Variants in HTR3B observed in about 807,000 individuals in gnomAD.
HTR3B encodes 5-hydroxytryptamine (serotonin) receptor 3B, ionotropic.
Under a neutral mutation model 42.8 loss-of-function variants are expected in HTR3B, and 44 were observed. The observed-to-expected ratio is 1.03, with a 90% CI of 0.81 to 1.32. The LOEUF (loss-of-function observed/expected upper bound fraction) is 1.32. Ranked by LOEUF, HTR3B falls within the 40% of genes most tolerant of loss-of-function variation. The pLI is 0.00. For missense variants in HTR3B, 527 were observed against 536.5 expected, an observed-to-expected ratio of 0.98 and a Z score of 0.17; for synonymous variants, 203 against 209.0, an observed-to-expected ratio of 0.97 and a Z score of 0.25.
In HTR3B at chr11:113,947,060, C is replaced by T. The variant is rs369019053; in HGVS notation, c.*923C>T. The stretch of plus-strand genomic sequence containing the variant: ...CCACTGCCTCCACCCTCTTCCTGTG[C>T]CCCTTCAGCAGTGCATCCCCACTGG... On this transcript the variant is annotated 3_prime_UTR_variant, in exon 9 of 9. Transcript: ENST00000260191. 3.3e-5 allele frequency among the ~76,000 whole-genome samples: 5 copies of T among 152,150 alleles called. No homozygotes were observed. In the South Asian group the frequency reaches 1.0e-3, roughly 31 times the overall value.
intron 6 of HTR3B, among the ~76,000 whole-genome samples, chr11:113,938,783 C>G (rs1950110669): frequency 6.6e-6 from 1 of 152,162 alleles, no homozygotes; most frequent in Non-Finnish European, 1.5e-5. Flanking sequence ...GCAGGTGGAT[C>G]ACCTGAAGTC....
intron 2 of HTR3B, among the ~76,000 whole-genome samples, chr11:113,916,912 G>C (rs1322150689): frequency 6.6e-6 from 1 of 152,060 alleles, no homozygotes; most frequent in Admixed American, 6.6e-5. Flanking sequence ...TTTCGCTTAA[G>C]AGGCTTTTTT....
At chr11:113,934,429 GGAAA>G (rs1036044378) in intron 6 of HTR3B, among the ~76,000 whole-genome samples, 5 of 128,482 alleles carry the variant, frequency 3.9e-5, no homozygotes, top group Non-Finnish European at 8.4e-5. Flanking sequence ...AAAGAAAGAA[GGAAA>G]GAAAGAAAGA....
chr11:113,943,171 G>A lies in HTR3B; in HGVS notation c.886G>A (p.Val296Ile). ...CATGTCCAACCAGGTGCCACGGAGT[G>A]TAGGGAGCACCCCTCTGATTGGTAA... is the stretch of plus-strand genomic sequence containing the variant. ...VNMSNQVPRS[V>I]GSTPLIGHFF... Residue 296 changes from valine (V) to isoleucine (I), a missense_variant, in exon 7 of 9, where the codon GTA becomes ATA. Coordinates refer to ENST00000260191, the MANE Select transcript of HTR3B (RefSeq NM_006028.5). 1.2e-6 allele frequency: 2 copies of A among 1,613,800 alleles called. No homozygotes were observed. Among genetic ancestry groups the A allele is most frequent in the Non-Finnish European group, 1.7e-6 (2 of 1,179,866 alleles).
intron 2 of HTR3B, 36 bp downstream of exon 2, chr11:113,909,491 C>T (rs373289727): frequency 5.1e-5 from 80 of 1,582,552 alleles, no homozygotes; most frequent in Middle Eastern, 1.7e-4. Flanking sequence ...TTCTTGTTAA[C>T]GTCTTTTGAA....
At position 113,933,003 on chromosome 11, in the gene HTR3B, G is replaced by A; in HGVS notation, c.606G>A (p.Leu202=). ...TTCAGCATGACAAAAAGGCGTTTTT[G>A]AATGACAGTGAGTGGGAACTTCTAT... The part of the protein sequence containing the change: ...EDIQHDKKAF[L]NDSEWELLSV... The change falls in exon 6 of 9, where the codon TTG becomes TTA. Residue 202 remains leucine, a synonymous_variant. Coordinates refer to ENST00000260191, the MANE Select transcript of HTR3B (RefSeq NM_006028.5). The A allele has an allele frequency of 6.2e-7, 1 of 1,614,114 alleles. No homozygotes were observed. Among genetic ancestry groups the A allele is most frequent in the Non-Finnish European group, 8.5e-7 (1 of 1,180,004 alleles).
intron 2 of HTR3B, among the ~76,000 whole-genome samples, chr11:113,913,304 C>T (rs1001607635): frequency 1.3e-5 from 2 of 148,988 alleles, no homozygotes; most frequent in Admixed American, 6.7e-5. Flanking sequence ...TTGCCTCAGC[C>T]TCCCCAGTGA....
intron 2 of HTR3B, among the ~76,000 whole-genome samples, chr11:113,926,506 T>TCCTTTCCTTTCCTTTCCTTTCCTTG (rs1207451859): frequency 1.4e-5 from 2 of 147,734 alleles, no homozygotes; most frequent in East Asian, 3.9e-4. Context: ...TCCTTTCCTT[T>TCCTTTCCTTTCCTTTCCTTTCCTTG]CCTTTCCTTT....
chr11:113,932,418 C>A lies in HTR3B; in HGVS notation c.498C>A (p.Val166=). ...AGACATATGCTTTTCCATTTGATGT[C>A]CAGAATTGCAGCCTGACCTTCAAGA... is the stretch of plus-strand genomic sequence containing the variant. The part of the protein sequence containing the change: ...SLETYAFPFD[V]QNCSLTFKSI... Residue 166 remains valine (V), a synonymous_variant, in exon 5 of 9, where the codon GTC becomes GTA. Coordinates refer to ENST00000260191, the MANE Select transcript of HTR3B (RefSeq NM_006028.5). 1.2e-6 allele frequency: 2 copies of A among 1,614,060 alleles called. No homozygotes were observed. Among genetic ancestry groups the A allele is most frequent in the Non-Finnish European group, 1.7e-6 (2 of 1,179,938 alleles).
At chr11:113,934,320 C>T (rs753776571) in intron 6 of HTR3B, among the ~76,000 whole-genome samples, 22 of 150,070 alleles carry the variant, frequency 1.5e-4, no homozygotes, top group Non-Finnish European at 1.9e-4. Context: ...CATACCACTG[C>T]GCTCCAGCCT....
At position 113,932,876 on chromosome 11, in the gene HTR3B, G is replaced by C. The variant is rs1950050963; in HGVS notation, c.539-60G>C. On this transcript the variant is annotated intron_variant, in intron 5 of 8. Transcript: ENST00000260191. ...AGGATTCGAATTGGGAGCTGGAAAA[G>C]TGGGTGGATGTTGGCATCTCTTTCT... 1.9e-6 allele frequency: 3 copies of C among 1,554,264 alleles called. No individual in the cohort carries two copies. In the East Asian group the frequency reaches 6.8e-5, roughly 35 times the overall value.
chr11:113,906,512 T>C (rs1289667487), intron 1 of HTR3B, among the ~76,000 whole-genome samples: 1 of 152,226 alleles, frequency 6.6e-6, no homozygotes. Context: ...AAATGTAAGA[T>C]ATTATTAACC....
At chr11:113,912,168 T>C (rs367843807) in intron 2 of HTR3B, among the ~76,000 whole-genome samples, 2 of 152,212 alleles carry the variant, frequency 1.3e-5, no homozygotes, top group East Asian at 1.9e-4. Context: ...TTGTTTCCAA[T>C]TTTAGGATAG....
At position 113,904,872 on chromosome 11, in the gene HTR3B, A is replaced by C. The variant is rs1300549903; in HGVS notation, c.-62A>C. ...GTGGAGAGGAACCCTGTTAGGAGAAATTGAGCGGCATTCCATCTGGTAGGC... is the reference window on the plus strand; with the variant it reads ...GTGGAGAGGAACCCTGTTAGGAGAACTTGAGCGGCATTCCATCTGGTAGGC... On this transcript the variant is annotated 5_prime_UTR_variant, in exon 1 of 9. Coordinates refer to ENST00000260191, the MANE Select transcript of HTR3B (RefSeq NM_006028.5). 1.5e-6 allele frequency: 2 copies of C among 1,305,538 alleles called. No homozygotes were observed. Among genetic ancestry groups the C allele is most frequent in the East Asian group, 4.6e-5 (2 of 43,418 alleles). The allele number at this position is 1,305,538 out of a possible 1,614,324, so 80.9% of individuals were successfully genotyped here. A position where few individuals can be genotyped will look rare whatever the true frequency, so the allele number is the denominator to read the frequency against.
chr11:113,909,494 C>G (rs1591569660), intron 2 of HTR3B, 39 bp downstream of exon 2: 3 of 1,568,388 alleles, frequency 1.9e-6, no homozygotes, highest in African/African-American at 1.4e-5. Context: ...TTGTTAACGT[C>G]TTTTGAAACA....
At chr11:113,918,934 G>C (rs2137501195) in intron 2 of HTR3B, among the ~76,000 whole-genome samples, 1 of 152,110 alleles carries the variant, frequency 6.6e-6, no homozygotes, top group East Asian at 1.9e-4. Flanking sequence ...TGGAATTACA[G>C]GTATGAGCCA....
intron 2 of HTR3B, among the ~76,000 whole-genome samples, chr11:113,926,991 A>G (rs1282520025): frequency 6.6e-6 from 1 of 152,182 alleles, no homozygotes; most frequent in Non-Finnish European, 1.5e-5. Context: ...TTTGATTTGC[A>G]GTTCCCTGGT....
intron 2 of HTR3B, among the ~76,000 whole-genome samples, chr11:113,917,332 C>T (rs1949865053): frequency 6.6e-6 from 1 of 151,998 alleles, no homozygotes; most frequent in Non-Finnish European, 1.5e-5. Context: ...GGGGTTTCAC[C>T]ATGTTGGCCA....
chr11:113,903,573 C>T (rs1949711240), upstream of HTR3B, among the ~76,000 whole-genome samples: 1 of 151,864 alleles, frequency 6.6e-6, no homozygotes, highest in South Asian at 2.1e-4. Flanking sequence ...GGATTACAGG[C>T]ATGTGCCACC....
Sources: gnomAD v4.1 joint callset for allele counts (sites outside exome capture counted in the v4.1 genomes callset) on GRCh38, gnomAD v4.1.1 for gene constraint, MANE v1.5 for transcripts, NCBI Gene and HGNC (gene_info 2026-07-23, HGNC 2026-07-21) for gene names.